The following JMJD1C variants were observed in gnomAD, a reference collection of about 807,000 sequenced individuals.
The protein encoded by JMJD1C is jumonji domain-containing protein 1C.
Under a neutral mutation model 245.3 loss-of-function variants are expected in JMJD1C, and 31 were observed. The observed-to-expected ratio is 0.13, with a 90% CI of 0.09 to 0.17. The LOEUF (loss-of-function observed/expected upper bound fraction) is 0.17. Among genes scored for constraint, JMJD1C ranks in the 10% least tolerant of loss-of-function variants. The probability of loss-of-function intolerance (pLI) is 1.00; values close to 1 mark genes in which losing one functional copy is unlikely to be tolerated. For synonymous variants in JMJD1C, 1,057 were observed against 1,017.4 expected, an observed-to-expected ratio of 1.04 and a Z score of -0.74; for missense variants, 2,691 against 3,000.2, an observed-to-expected ratio of 0.90 and a Z score of 2.41.
Position 63,387,732 on chromosome 10 carries a change from T to C in JMJD1C, c.169-7250A>G, listed in dbSNP as rs558475237. On this transcript the variant is annotated intron_variant, in intron 1 of 25. Transcript: ENST00000399262. ...CTCACTGCCAGCTCCACCTCCTGGG[T>C]TCCTGCCATTCTCCTGCCTCAGCCT... Among the ~76,000 whole-genome samples the C allele has an allele frequency of 2.3e-5, 3 of 131,106 alleles. No homozygotes were observed. The East Asian group carries it at 7.7e-4, about 34-fold the overall frequency. 86.0% of individuals were successfully genotyped at this position (131,106 alleles called of 152,430 possible).
intron 2 of JMJD1C, among the ~76,000 whole-genome samples, chr10:63,335,045 A>T (rs914583057): frequency 6.0e-5 from 9 of 151,036 alleles, no homozygotes; most frequent in East Asian, 1.9e-4. Flanking sequence ...AAAAAAAAAA[A>T]ATATTGTTCC....
At chr10:63,438,036 A>T (rs1351314743) in intron 1 of JMJD1C, among the ~76,000 whole-genome samples, 1 of 152,140 alleles carries the variant, frequency 6.6e-6, no homozygotes, top group Non-Finnish European at 1.5e-5. Flanking sequence ...CCATTTATAT[A>T]CTGACTACTC....
chr10:63,208,505 G>A lies in JMJD1C; in HGVS notation c.3164C>T (p.Ser1055Leu), dbSNP rs769517760. ...ERENYSRVAS[S>L]SSSPKSHIIK... is the part of the protein sequence containing the mutation. Reference sequence around the variant, plus strand: ...GATATGGCTTTTAGGACTGGAAGATGATGATGCCACTCTGGAATAATTCTC... The same window carrying A: ...GATATGGCTTTTAGGACTGGAAGATAATGATGCCACTCTGGAATAATTCTC... Residue 1055 changes from serine (S) to leucine (L), a missense_variant, in exon 10 of 26, where the codon TCA (serine) becomes TTA (leucine). Coordinates refer to ENST00000399262, the MANE Select transcript of JMJD1C (RefSeq NM_032776.3). 4 of 1,613,932 alleles carry A rather than the reference G, an allele frequency of 2.5e-6. No homozygotes were observed. Among genetic ancestry groups the A allele is most frequent in the Non-Finnish European group, 3.4e-6 (4 of 1,179,980 alleles).
intron 24 of JMJD1C, among the ~76,000 whole-genome samples, chr10:63,174,849 C>CA (rs1032278753): frequency 2.0e-5 from 3 of 148,396 alleles, no homozygotes; most frequent in African/African-American, 5.0e-5. Flanking sequence ...AAACAAAAAA[C>CA]AAAAAACAAA....
chr10:63,441,759 C>T (rs1290853980), intron 1 of JMJD1C, among the ~76,000 whole-genome samples: 3 of 152,174 alleles, frequency 2.0e-5, no homozygotes, highest in African/African-American at 7.2e-5. Context: ...TTTGTACTGC[C>T]ACACTCAACC....
chr10:63,256,402 AG>A (rs1853936884), intron 3 of JMJD1C, among the ~76,000 whole-genome samples: 1 of 151,982 alleles, frequency 6.6e-6, no homozygotes, highest in Non-Finnish European at 1.5e-5. Context: ...GGTAGGTAAT[AG>A]AATATTTAAA....
At chr10:63,203,823 A>C (rs2133112330) in intron 10 of JMJD1C, 1 of 975,164 alleles carries the variant, frequency 1.0e-6, no homozygotes, top group East Asian at 1.1e-4. Context: ...CGGTGTATGT[A>C]ATCATATTAC....
chr10:63,306,578 A>T (rs9414790), intron 2 of JMJD1C, among the ~76,000 whole-genome samples: 2,251 of 152,324 alleles, frequency 0.015, 49 homozygotes, highest in African/African-American at 0.051. Flanking sequence ...ATTTAATTTT[A>T]AAAAGTGTAT....
At chr10:63,237,466 T>C (rs1225214727) in intron 3 of JMJD1C, among the ~76,000 whole-genome samples, 3 of 152,238 alleles carry the variant, frequency 2.0e-5, no homozygotes, top group Non-Finnish European at 4.4e-5. Context: ...GATGAATCTA[T>C]AAATGAACTA....
intron 18 of JMJD1C, among the ~76,000 whole-genome samples, 198 bp downstream of exon 18, chr10:63,188,970 A>C (rs1220562564): frequency 6.6e-6 from 1 of 152,204 alleles, no homozygotes; most frequent in Non-Finnish European, 1.5e-5. Flanking sequence ...CTATTAATTC[A>C]TATTAAATCT....
chr10:63,460,593 C>T (rs927033910), intron 1 of JMJD1C, among the ~76,000 whole-genome samples: 1 of 152,082 alleles, frequency 6.6e-6, no homozygotes, highest in East Asian at 1.9e-4. Context: ...TATGACATTC[C>T]TTTATTATTC....
At chr10:63,363,252 C>CTTTT (rs71463517) in intron 2 of JMJD1C, among the ~76,000 whole-genome samples, 119 of 99,822 alleles carry the variant, frequency 1.2e-3, no homozygotes, top group Middle Eastern at 5.8e-3. Context: ...TCATACAATT[C>CTTTT]TTTTTTTTTT....
rs527526754 is a variant in JMJD1C at position 63,207,862 on chromosome 10, T to C, written c.3807A>G (p.Glu1269=). ...GTCTCCACATCTCCGTCAAACTCTG[T>C]TCTGAAGAACTCTTAAAATTTGCCT... ...DSQANFKSSS[E]QSLTEMWRPN... is the part of the protein sequence containing the mutation. Residue 1269 remains glutamate (E), a synonymous_variant, in exon 10 of 26, where the codon GAA becomes GAG. Coordinates refer to ENST00000399262, the MANE Select transcript of JMJD1C (RefSeq NM_032776.3). 2.7e-4 allele frequency: 436 copies of C among 1,614,070 alleles called. 1 individual carries two copies. The highest frequency in any genetic ancestry group is 2.1e-4 in the Non-Finnish European group (246 of 1,180,012).
chr10:63,183,227 G>T (rs1333812630), intron 22 of JMJD1C, among the ~76,000 whole-genome samples: 1 of 152,128 alleles, frequency 6.6e-6, no homozygotes, highest in Non-Finnish European at 1.5e-5. Context: ...TGATAGAAAA[G>T]AAGTTAAAAT....
chr10:63,169,059 C>T (rs566853156), intron 24 of JMJD1C, among the ~76,000 whole-genome samples: 1 of 152,140 alleles, frequency 6.6e-6, no homozygotes, highest in Non-Finnish European at 1.5e-5. Context: ...TAGTCCCAGA[C>T]AGATCTACTG....
At chr10:63,308,610 A>G (rs542914177) in intron 2 of JMJD1C, among the ~76,000 whole-genome samples, 18 of 105,788 alleles carry the variant, frequency 1.7e-4, no homozygotes, top group East Asian at 8.4e-4. Context: ...CTGCTATAGG[A>G]AAAAAAAAAA....
intron 1 of JMJD1C, among the ~76,000 whole-genome samples, chr10:63,481,697 ATAAAT>A (rs1953835762): frequency 6.6e-6 from 1 of 152,228 alleles, no homozygotes; most frequent in African/African-American, 2.4e-5. Context: ...TCTTTCAAAA[ATAAAT>A]TAATCTCCAG....
chr10:63,343,769 G>A (rs1943578334), intron 2 of JMJD1C, among the ~76,000 whole-genome samples: 1 of 152,172 alleles, frequency 6.6e-6, no homozygotes, highest in African/African-American at 2.4e-5. Flanking sequence ...CAGGCGTAAT[G>A]GCTCACAACT....
intron 2 of JMJD1C, among the ~76,000 whole-genome samples, chr10:63,266,307 T>C (rs1432563910): frequency 6.6e-6 from 1 of 152,084 alleles, no homozygotes; most frequent in Non-Finnish European, 1.5e-5. Flanking sequence ...ATTTTCAAAA[T>C]AGAAAATCCT....
Sources: allele counts gnomAD v4.1 joint callset (sites outside exome capture counted in the v4.1 genomes callset), GRCh38; gene constraint gnomAD v4.1.1; transcripts MANE v1.5; gene names NCBI Gene and HGNC (gene_info 2026-07-23, HGNC 2026-07-21).